LINS1: variants seen among roughly 807,000 people sequenced by gnomAD.
LINS1 encodes lines homolog 1.
Under a neutral mutation model 41.6 loss-of-function variants are expected in LINS1, and 27 were observed. The observed-to-expected ratio is 0.65, with a 90% CI of 0.48 to 0.89. The LOEUF (loss-of-function observed/expected upper bound fraction) is 0.89. Ranked by LOEUF, LINS1 falls within the 40% of genes least tolerant of loss-of-function variation. The probability of loss-of-function intolerance (pLI) is 0.00; values close to 1 mark genes in which losing one functional copy is unlikely to be tolerated. For missense variants in LINS1, 955 were observed against 884.1 expected, an observed-to-expected ratio of 1.08 and a Z score of -1.02; for synonymous variants, 336 against 312.9, an observed-to-expected ratio of 1.07 and a Z score of -0.78.
intron 1 of LINS1, among the ~76,000 whole-genome samples, chr15:100,584,069 G>A (rs1199285254): frequency 1.3e-5 from 2 of 151,622 alleles, no homozygotes; most frequent in South Asian, 2.1e-4. Flanking sequence ...TATATTGTCT[G>A]TCACACATCA....
At chr15:100,582,601 A>C (rs1315569181) in intron 1 of LINS1, among the ~76,000 whole-genome samples, 363 of 77,660 alleles carry the variant, frequency 4.7e-3, no homozygotes, top group South Asian at 5.9e-3. Flanking sequence ...TCCATCTACA[A>C]CATGGCCCAC....
intron 1 of LINS1, among the ~76,000 whole-genome samples, chr15:100,590,074 C>T (rs927002033): frequency 6.6e-6 from 1 of 152,110 alleles, no homozygotes; most frequent in South Asian, 2.1e-4. Flanking sequence ...GAACTGTACA[C>T]CCATAGGAAC....
chr15:100,573,873 T>G lies in LINS1; in HGVS notation c.1000A>C (p.Met334Leu), dbSNP rs573607261. 1.2e-6 allele frequency: 2 copies of G among 1,614,244 alleles called. No individual in the cohort carries two copies. The highest frequency in any genetic ancestry group is 1.1e-5 in the South Asian group (1 of 91,090). Residue 334 changes from methionine (M) to leucine (L), a missense_variant, in exon 5 of 7, where the codon ATG (methionine) becomes CTG (leucine). By Grantham distance (15) the Met-to-Leu change is conservative. Transcript: ENST00000314742. ...AAAACAGCATTAGCTAAAGCCAGCA[T>G]GTCCACCGCTACATGATGGTCTGGC... is the stretch of plus-strand genomic sequence containing the variant. The part of the protein sequence containing the change: ...MPPDHHVAVD[M>L]LALANAVLQA...
intron 1 of LINS1, among the ~76,000 whole-genome samples, chr15:100,590,098 C>G (rs1328037190): frequency 1.3e-5 from 2 of 152,126 alleles, no homozygotes; most frequent in African/African-American, 4.8e-5. Context: ...TAAGGTAAAG[C>G]TAACCAAGGA....
intron 1 of LINS1, among the ~76,000 whole-genome samples, chr15:100,581,231 G>A (rs1225232373): frequency 1.3e-5 from 2 of 152,142 alleles, no homozygotes; most frequent in Admixed American, 6.6e-5. Flanking sequence ...CTTAACTTTG[G>A]CACTATTAAT....
At chr15:100,572,216 T>C (rs2037870767) in intron 5 of LINS1, 151 bp from the exon 6 acceptor site, 2 of 1,473,914 alleles carry the variant, frequency 1.4e-6, no homozygotes, top group South Asian at 2.7e-5. Flanking sequence ...TTAGGAAGCA[T>C]CTTTATTTGG....
At chr15:100,575,685 C>T (rs1345033449) in intron 3 of LINS1, among the ~76,000 whole-genome samples, 1 of 152,190 alleles carries the variant, frequency 6.6e-6, no homozygotes, top group South Asian at 2.1e-4. Context: ...TAATAGACAT[C>T]TACAGAACTC....
chr15:100,584,028 C>G (rs534979587), intron 1 of LINS1, among the ~76,000 whole-genome samples: 5 of 150,678 alleles, frequency 3.3e-5, no homozygotes, highest in African/African-American at 9.8e-5. Flanking sequence ...CCTATTGCAA[C>G]TGCCTGAACA....
At chr15:100,570,486 A>C (rs752811254) in intron 6 of LINS1, 8 of 178,022 alleles carry the variant, frequency 4.5e-5, no homozygotes, top group Non-Finnish European at 8.4e-5. Flanking sequence ...CAGATTGACC[A>C]ATCAGAGCAC....
chr15:100,583,696 C>A (rs1394834455), intron 1 of LINS1, among the ~76,000 whole-genome samples: 2 of 152,202 alleles, frequency 1.3e-5, no homozygotes, highest in Non-Finnish European at 2.9e-5. Flanking sequence ...TCCTCAGTGA[C>A]TCCCTTGTTT....
At chr15:100,592,403 C>T (rs2039077715) in intron 1 of LINS1, among the ~76,000 whole-genome samples, 1 of 152,146 alleles carries the variant, frequency 6.6e-6, no homozygotes, top group South Asian at 2.1e-4. Context: ...ATCACTGGCC[C>T]TTGGTGATAG....
In LINS1 at chr15:100,573,948, A is replaced by G; in HGVS notation, c.925T>C (p.Cys309Arg). The stretch of plus-strand genomic sequence containing the variant: ...CGACAGAGGTCTTCACCCACTTTAC[A>G]GAGAAGGCACTTTTTGAGGAATATG... The part of the protein sequence containing the change: ...VIIFLKKCLL[C>R]KVGEDLCRGS... Residue 309 changes from cysteine (C) to arginine (R), a missense_variant, in exon 5 of 7, where the codon TGT becomes CGT. Physicochemically the swap from Cys to Arg is radical, Grantham distance 180. Transcript: ENST00000314742. 6.2e-7 allele frequency: 1 copy of G among 1,614,268 alleles called. No individual in the cohort carries two copies. The highest frequency in any genetic ancestry group is 8.5e-7 in the Non-Finnish European group (1 of 1,180,048).
chr15:100,585,251 C>T (rs528667859), intron 1 of LINS1, among the ~76,000 whole-genome samples: 1 of 152,352 alleles, frequency 6.6e-6, no homozygotes, highest in South Asian at 2.1e-4. Context: ...GGACCTCAGT[C>T]TCTACAAAGG....
chr15:100,569,977 A>G lies in LINS1; in HGVS notation c.1535T>C (p.Phe512Ser). Residue 512 changes from phenylalanine to serine, a missense_variant, in exon 7 of 7, where the codon TTT (phenylalanine) becomes TCT (serine). Phe to Ser is a radical substitution (Grantham distance 155). Coordinates refer to ENST00000314742, the MANE Select transcript of LINS1 (RefSeq NM_001040616.3). The stretch of plus-strand genomic sequence containing the variant: ...AAAACAGGTTTCTGATGAAATCAAA[A>G]AGTCAAGAAGAACTGTGGAATCAAA... ...IGFDSTVLLD[F>S]LISSETCFLE... 1 of 1,572,506 alleles carries G rather than the reference A, an allele frequency of 6.4e-7. No homozygotes were observed. Among genetic ancestry groups the G allele is most frequent in the Non-Finnish European group, 8.6e-7 (1 of 1,160,272 alleles).
At position 100,580,711 on chromosome 15, in the gene LINS1, G is replaced by A. The variant is rs1043614663; in HGVS notation, c.132C>T (p.Ala44=). 6.2e-7 allele frequency: 1 copy of A among 1,613,202 alleles called. No individual in the cohort carries two copies. Residue 44 remains alanine (A), a synonymous_variant, in exon 2 of 7, where the codon GCC becomes GCT. Coordinates refer to ENST00000314742, the MANE Select transcript of LINS1 (RefSeq NM_001040616.3). ...AGGTGTTTGCCCATTCTAAGGAGGT[G>A]GCTGTAGAACAATCTTGATCTGAAA... ...PAVSDQDCST[A]TSLEWANTCG...
At chr15:100,572,979 T>A (rs1032959886) in intron 5 of LINS1, 1 of 275,752 alleles carries the variant, frequency 3.6e-6, no homozygotes. Flanking sequence ...GCAGTGAGCC[T>A]GGGAGACAGA....
intron 5 of LINS1, 85 bp downstream of exon 5, chr15:100,573,566 A>G (rs767679755): frequency 5.6e-5 from 51 of 915,388 alleles, no homozygotes; most frequent in Non-Finnish European, 7.6e-5. Context: ...TGGAATTTAA[A>G]CTAGTCCTGA....
At chr15:100,588,594 G>T (rs1469909355) in intron 1 of LINS1, among the ~76,000 whole-genome samples, 1 of 152,152 alleles carries the variant, frequency 6.6e-6, no homozygotes, top group Non-Finnish European at 1.5e-5. Context: ...ATATTATGTT[G>T]ACTAAATGCT....
rs1470085512 is a variant in LINS1, at chr15:100,573,999, G to C, written c.874C>G (p.Gln292Glu). The C allele has an allele frequency of 1.2e-6, 2 of 1,614,168 alleles. No individual in the cohort carries two copies. The highest frequency in any genetic ancestry group is 1.7e-6 in the Non-Finnish European group (2 of 1,180,008). The change falls in exon 5 of 7, where the codon CAG becomes GAG. Residue 292 changes from glutamine to glutamate, a missense_variant. Gln to Glu is a conservative substitution (Grantham distance 29). Coordinates refer to ENST00000314742, the MANE Select transcript of LINS1 (RefSeq NM_001040616.3). ...CMLEVITWPI[Q>E]AFVKRKVIIF... Reference sequence around the variant, plus strand: ...ATGACCTTCCTTTTAACAAAAGCCTGAATAGGCCAGGTAATAACTTCTAGC... The same window carrying C: ...ATGACCTTCCTTTTAACAAAAGCCTCAATAGGCCAGGTAATAACTTCTAGC...
Sources: gnomAD v4.1 joint callset for allele counts (sites outside exome capture counted in the v4.1 genomes callset) on GRCh38, gnomAD v4.1.1 for gene constraint, MANE v1.5 for transcripts, NCBI Gene and HGNC (gene_info 2026-07-23, HGNC 2026-07-21) for gene names.